The following ADAMTSL1 variants were observed in gnomAD, a reference collection of about 807,000 sequenced individuals.
The protein encoded by ADAMTSL1 is ADAMTS-like protein 1.
A neutral mutation model predicts 201.8 loss-of-function variants in ADAMTSL1; 126 were observed. The observed-to-expected ratio is 0.62, with a 90% confidence interval of 0.54 to 0.72. The LOEUF is 0.72. Ranked by LOEUF, ADAMTSL1 falls within the 30% of genes least tolerant of loss-of-function variation. The probability of loss-of-function intolerance (pLI) is 0.00; values close to 1 mark genes in which losing one functional copy is unlikely to be tolerated. For synonymous variants in ADAMTSL1, 1,121 were observed against 903.4 expected, an observed-to-expected ratio of 1.24 and a Z score of -4.32; for missense variants, 2,679 against 2,277.8, an observed-to-expected ratio of 1.18 and a Z score of -3.59.
At position 18,877,282 on chromosome 9, in the gene ADAMTSL1, A is replaced by C. The variant is rs562333918; in HGVS notation, c.4250-10549A>C. On this transcript the variant is annotated intron_variant, in intron 23 of 28. Coordinates refer to ENST00000380548, the MANE Select transcript of ADAMTSL1 (RefSeq NM_001040272.6). ...TCTGGGTTTGGAGGCGTTCCTGGTG[A>C]GCCAGTGTGATCTTTTGGGAGTGTT... 6.5e-4 allele frequency among the ~76,000 whole-genome samples: 99 copies of C among 152,100 alleles called. No individual in the cohort carries two copies. In the South Asian group the frequency reaches 0.02, roughly 31 times the overall value.
At position 17,987,150 on chromosome 9, in the gene ADAMTSL1, CAA is replaced by C. The variant is rs555513595; in HGVS notation, c.87+80229_87+80230del. ...AGTATCTGTAAGTTTTGATATCAGA[CAA>C]GAGAGTTAGTGTTTTACATTTAGGA... On this transcript the variant is annotated intron_variant, in intron 1 of 29. Coordinates refer to the ADAMTSL1 transcript ENST00000680146. 4.9e-4 allele frequency among the ~76,000 whole-genome samples: 74 copies of C among 152,104 alleles called. 1 individual carries two copies. Among genetic ancestry groups the C allele is most frequent in the Middle Eastern group, 3.4e-3 (1 of 294 alleles).
chr9:17,977,630 A>G (rs1818509719), intron 1 of ADAMTSL1, among the ~76,000 whole-genome samples: 1 of 151,858 alleles, frequency 6.6e-6, no homozygotes, highest in African/African-American at 2.4e-5. Flanking sequence ...TATTTTTATG[A>G]TATCAGTTGT....
intron 1 of ADAMTSL1, among the ~76,000 whole-genome samples, chr9:18,134,720 T>C (rs1412625977): frequency 6.6e-6 from 1 of 152,162 alleles, no homozygotes; most frequent in Non-Finnish European, 1.5e-5. Flanking sequence ...TTATCGAATA[T>C]AGGGAGATGA....
intron 1 of ADAMTSL1, among the ~76,000 whole-genome samples, chr9:18,015,807 A>C (rs192587523): frequency 6.6e-6 from 1 of 151,972 alleles, no homozygotes; most frequent in African/African-American, 2.4e-5. Context: ...CCCGAGACCA[A>C]TGAGATTAGG....
chr9:18,191,089 A>G (rs1828950082), intron 2 of ADAMTSL1, among the ~76,000 whole-genome samples: 1 of 152,212 alleles, frequency 6.6e-6, no homozygotes, highest in Non-Finnish European at 1.5e-5. Context: ...TATTTAGGTC[A>G]TATATTTCTG....
intron 2 of ADAMTSL1, among the ~76,000 whole-genome samples, chr9:18,274,072 T>A (rs909005896): frequency 5.9e-5 from 9 of 152,244 alleles, no homozygotes; most frequent in Non-Finnish European, 1.2e-4. Context: ...AGAATGAAGC[T>A]ATGGAAGAGA....
intron 1 of ADAMTSL1, among the ~76,000 whole-genome samples, chr9:17,993,344 C>G (rs142449597): frequency 1.5e-3 from 229 of 152,216 alleles, no homozygotes; most frequent in African/African-American, 5.4e-3. Flanking sequence ...AAACATTTTT[C>G]TCTACATATG....
intron 1 of ADAMTSL1, among the ~76,000 whole-genome samples, chr9:17,940,851 G>T (rs1225345682): frequency 8.1e-6 from 1 of 124,150 alleles, no homozygotes; most frequent in East Asian, 2.6e-4. Context: ...ATGTCTTTAG[G>T]CTCCCATGGC....
chr9:18,276,980 T>G (rs1832611638), intron 2 of ADAMTSL1, among the ~76,000 whole-genome samples: 2 of 152,196 alleles, frequency 1.3e-5, no homozygotes, highest in Admixed American at 1.3e-4. Context: ...ATTTTTAAAT[T>G]TCCCTTTTAA....
At chr9:17,998,035 A>T (rs968818395) in intron 1 of ADAMTSL1, among the ~76,000 whole-genome samples, 2 of 152,038 alleles carry the variant, frequency 1.3e-5, no homozygotes, top group Non-Finnish European at 2.9e-5. Context: ...CCGTTAATAA[A>T]AATACCCACT....
intron 2 of ADAMTSL1, among the ~76,000 whole-genome samples, chr9:18,523,490 G>A (rs1330813140): frequency 6.6e-6 from 1 of 152,072 alleles, no homozygotes; most frequent in Non-Finnish European, 1.5e-5. Context: ...CACTGCTTTT[G>A]GTGTTTTAGA....
chr9:18,688,689 A>AATATATATATATATAT (rs1554730405), intron 13 of ADAMTSL1, among the ~76,000 whole-genome samples: 110 of 8,612 alleles, frequency 0.013, 2 homozygotes, highest in Admixed American at 0.023. Flanking sequence ...AAAAAAAAAA[A>AATATATATATATATAT]ATATATATAT....
At chr9:18,833,152 A>G (rs1185683704) in intron 23 of ADAMTSL1, among the ~76,000 whole-genome samples, 1 of 152,230 alleles carries the variant, frequency 6.6e-6, no homozygotes. Flanking sequence ...TTCCATAACT[A>G]TAAAAATGAA....
At position 18,269,789 on chromosome 9, in the gene ADAMTSL1, A is replaced by G. The variant is rs143203222; in HGVS notation, c.207+105808A>G. On this transcript the variant is annotated intron_variant, in intron 2 of 29. Transcript: ENST00000680146. ...TTTCCCAGAACTTGAAACAAATGTT[A>G]GTGTTACCACAAACCAAAGGGGGAA... Among the ~76,000 whole-genome samples the G allele has an allele frequency of 4.6e-3, 696 of 151,700 alleles. 2 individuals are homozygous for G. The highest frequency in any genetic ancestry group is 0.01 in the Middle Eastern group (3 of 290).
intron 1 of ADAMTSL1, among the ~76,000 whole-genome samples, chr9:18,142,242 CAG>C (rs963001845): frequency 4.6e-5 from 7 of 152,030 alleles, no homozygotes; most frequent in Middle Eastern, 3.2e-3. Flanking sequence ...GCTCCACACA[CAG>C]AGCTCACCAA....
At chr9:18,297,374 T>C (rs1833516832) in intron 2 of ADAMTSL1, among the ~76,000 whole-genome samples, 1 of 152,082 alleles carries the variant, frequency 6.6e-6, no homozygotes, top group Non-Finnish European at 1.5e-5. Flanking sequence ...TTTTTCTTTT[T>C]TTTTTTTAAG....
intron 1 of ADAMTSL1, among the ~76,000 whole-genome samples, chr9:17,960,427 A>G (rs1434153391): frequency 6.6e-6 from 1 of 152,202 alleles, no homozygotes; most frequent in African/African-American, 2.4e-5. Context: ...AATACAAGGA[A>G]TAACTAGCAT....
upstream of ADAMTSL1, among the ~76,000 whole-genome samples, chr9:18,471,157 A>G (rs1040559385): frequency 3.9e-5 from 6 of 152,226 alleles, no homozygotes; most frequent in African/African-American, 1.4e-4. Flanking sequence ...GATACTTTCC[A>G]TCGTCAGGTA....
rs969965017 is a variant in ADAMTSL1 at position 18,910,337 on chromosome 9, T to G, written c.*1789T>G. The stretch of plus-strand genomic sequence containing the variant: ...GTGAATATTTATTAGGATTTCTTAT[T>G]AAAAAAGTGCAATATTAATAATTGT... On this transcript the variant is annotated 3_prime_UTR_variant, in exon 29 of 29. Transcript: ENST00000380548. 4.6e-5 allele frequency: 7 copies of G among 152,226 alleles called. No individual in the cohort carries two copies. Among genetic ancestry groups the G allele is most frequent in the Admixed American group, 2.6e-4 (4 of 15,288 alleles). 9.4% of individuals were successfully genotyped at this position (152,226 alleles called of 1,614,324 possible). A position where few individuals can be genotyped will look rare whatever the true frequency, so the allele number is the denominator to read the frequency against.
Sources: gnomAD v4.1 joint callset for allele counts (sites outside exome capture counted in the v4.1 genomes callset) on GRCh38, gnomAD v4.1.1 for gene constraint, MANE v1.5 for transcripts, NCBI Gene and HGNC (gene_info 2026-07-23, HGNC 2026-07-21) for gene names.